STRN3: variants seen among roughly 807,000 people sequenced by gnomAD.
STRN3 encodes the protein striatin-3.
Under a neutral mutation model 95.6 loss-of-function variants are expected in STRN3, and 29 were observed. The ratio of observed to expected loss-of-function variants is 0.30; its 90% CI spans 0.23 to 0.41. The LOEUF is 0.41. Among genes scored for constraint, STRN3 ranks in the 10% least tolerant of loss-of-function variants. The pLI is 1.00. For synonymous variants in STRN3, 331 were observed against 357.6 expected (o/e 0.93, Z 0.84); for missense variants, 890 against 972.1 (o/e 0.92, Z 1.12).
intron 8 of STRN3, among the ~76,000 whole-genome samples, chr14:30,922,492 A>C (rs1896910727): frequency 6.6e-6 from 1 of 152,192 alleles, no homozygotes; most frequent in Admixed American, 6.5e-5. Flanking sequence ...ATTCCGCTCA[A>C]ACACACATAC....
chr14:30,935,422 T>C, intron 6 of STRN3, 118 bp from the exon 7 acceptor site: 1 of 1,112,322 alleles, frequency 9.0e-7, no homozygotes, highest in Non-Finnish European at 1.3e-6. Flanking sequence ...TCAAAAATTT[T>C]AGATCTCCTA....
chr14:30,967,434 T>C (rs1007655744), intron 1 of STRN3, among the ~76,000 whole-genome samples: 7 of 152,258 alleles, frequency 4.6e-5, no homozygotes, highest in Admixed American at 2.0e-4. Context: ...CAGGGTAAAT[T>C]TAAAACCTAT....
chr14:30,953,595 C>A (rs1395617079), intron 3 of STRN3, among the ~76,000 whole-genome samples: 1 of 152,048 alleles, frequency 6.6e-6, no homozygotes, highest in Non-Finnish European at 1.5e-5. Flanking sequence ...CATATATATG[C>A]TTTTTGAGGA....
chr14:30,968,662 G>T (rs909330061), intron 1 of STRN3, among the ~76,000 whole-genome samples: 1 of 135,446 alleles, frequency 7.4e-6, no homozygotes, highest in African/African-American at 2.8e-5. Context: ...CTGGGCGACA[G>T]AGGGAGACTC....
intron 1 of STRN3, among the ~76,000 whole-genome samples, chr14:30,993,676 T>C (rs1398901750): frequency 6.9e-6 from 1 of 144,902 alleles, no homozygotes; most frequent in African/African-American, 2.5e-5. Flanking sequence ...TCATTGTAAC[T>C]TTCATATACT....
At chr14:30,913,698 T>C in intron 9 of STRN3, 41 bp from the exon 10 acceptor site, 3 of 1,609,178 alleles carry the variant, frequency 1.9e-6, no homozygotes, top group Non-Finnish European at 2.5e-6. Context: ...TGAAAAATCA[T>C]ACAGTACAAG....
chr14:30,895,536 A>T lies in STRN3; in HGVS notation c.2269T>A (p.Cys757Ser). Reference protein sequence around the residue: ...IRLWNLDSKTCVQEITAHRKK... With the variant: ...IRLWNLDSKTSVQEITAHRKK... ...CTGTGAGCTGTTATTTCTTGCACAC[A>T]TGTCTTGCTGTCTAAATTCCATAAT... Residue 757 changes from cysteine (C) to serine (S), a missense_variant, in exon 18 of 18, where the codon TGT (cysteine) becomes AGT (serine). Physicochemically the swap from Cys to Ser is moderately radical, Grantham distance 112. Transcript: ENST00000357479. The T allele has an allele frequency of 6.2e-7, 1 of 1,614,138 alleles. No homozygotes were observed. The highest frequency in any genetic ancestry group is 8.5e-7 in the Non-Finnish European group (1 of 1,180,006).
chr14:30,968,466 G>A (rs543018463), intron 1 of STRN3, among the ~76,000 whole-genome samples: 2 of 151,672 alleles, frequency 1.3e-5, no homozygotes, highest in Non-Finnish European at 2.9e-5. Context: ...CGGATCACGA[G>A]GTCAGGAGAT....
intron 1 of STRN3, among the ~76,000 whole-genome samples, chr14:30,979,890 A>G (rs1251419445): frequency 6.6e-6 from 1 of 151,754 alleles, no homozygotes; most frequent in Non-Finnish European, 1.5e-5. Context: ...GTGAGCCACC[A>G]TGCCTGGCGG....
At chr14:30,986,528 A>G (rs1365807574) in intron 1 of STRN3, among the ~76,000 whole-genome samples, 1 of 152,230 alleles carries the variant, frequency 6.6e-6, no homozygotes, top group East Asian at 1.9e-4. Flanking sequence ...TAAACCTTTT[A>G]GCTACTAACA....
chr14:30,918,524 A>AGG lies in STRN3; in HGVS notation c.1240+441_1240+442insCC, dbSNP rs1896798569. Among the ~76,000 whole-genome samples the AGG allele has an allele frequency of 3.3e-5, 5 of 150,570 alleles. No homozygotes were observed. In the South Asian group the frequency reaches 6.3e-4, roughly 19 times the overall value. The stretch of plus-strand genomic sequence containing the variant: ...ACTCTGTCTCAAGGAAAAAAAAAGA[A>AGG]AAAAAAAAAGGTTCCAAGCACAATG... On this transcript the variant is annotated intron_variant, in intron 9 of 17. Transcript: ENST00000357479.
chr14:30,900,220 G>A (rs1003370135), intron 16 of STRN3, among the ~76,000 whole-genome samples: 7 of 151,656 alleles, frequency 4.6e-5, no homozygotes, highest in Admixed American at 1.3e-4. Flanking sequence ...TTAGACAGGC[G>A]TGGTAGCAGA....
intron 5 of STRN3, among the ~76,000 whole-genome samples, chr14:30,938,075 G>C (rs142009773): frequency 1.4e-3 from 203 of 149,746 alleles, no homozygotes; most frequent in African/African-American, 4.6e-3. Context: ...TTTTAAATTT[G>C]TATTATTTTA....
intron 1 of STRN3, among the ~76,000 whole-genome samples, chr14:30,962,766 C>T (rs748453558): frequency 2.0e-5 from 3 of 152,148 alleles, no homozygotes; most frequent in African/African-American, 4.8e-5. Flanking sequence ...CTCCTGGCCT[C>T]AAGCAATCCT....
At chr14:30,898,165 C>G (rs1192027622) in intron 16 of STRN3, among the ~76,000 whole-genome samples, 5 of 151,964 alleles carry the variant, frequency 3.3e-5, no homozygotes, top group African/African-American at 1.2e-4. Flanking sequence ...TTTGTAGAGA[C>G]AGAATCCCGT....
chr14:30,961,643 T>C (rs1200651160), intron 1 of STRN3, among the ~76,000 whole-genome samples: 3 of 152,368 alleles, frequency 2.0e-5, no homozygotes, highest in South Asian at 2.1e-4. Context: ...TGATTTACTA[T>C]ACATTTTTGT....
chr14:30,907,424 G>A (rs8011685), intron 13 of STRN3, among the ~76,000 whole-genome samples: 151,740 of 152,238 alleles, frequency 1, 75,628 homozygotes, highest in Non-Finnish European at 1. Context: ...CAATTTTAGG[G>A]TACTTTCATC....
intron 8 of STRN3, among the ~76,000 whole-genome samples, chr14:30,921,071 T>TACACACACACAC (rs921860938): frequency 8.6e-6 from 1 of 116,580 alleles, no homozygotes; most frequent in South Asian, 2.9e-4. Flanking sequence ...CACATACATA[T>TACACACACACAC]ACACACACAC....
chr14:30,984,710 G>A (rs966751983), intron 1 of STRN3, among the ~76,000 whole-genome samples: 4 of 151,690 alleles, frequency 2.6e-5, no homozygotes, highest in East Asian at 1.9e-4. Context: ...ATGGGGAGGC[G>A]GAGGTTGCAG....
Sources: allele counts gnomAD v4.1 joint callset (sites outside exome capture counted in the v4.1 genomes callset), GRCh38; gene constraint gnomAD v4.1.1; transcripts MANE v1.5; gene names NCBI Gene and HGNC (gene_info 2026-07-23, HGNC 2026-07-21).